Variants in EYS observed in about 807,000 individuals in gnomAD.
EYS encodes the protein protein eyes shut homolog.
Under a neutral mutation model 282.1 loss-of-function variants are expected in EYS, and 250 were observed. The observed-to-expected ratio is 0.89, with a 90% confidence interval of 0.80 to 0.98. The LOEUF is 0.98. EYS is among the 50% of genes least tolerant of loss of function. EYS has a pLI of 0.00. For missense variants in EYS, 4,016 were observed against 3,709.0 expected (o/e 1.08, Z -2.15); for synonymous variants, 1,355 against 1,282.9 (o/e 1.06, Z -1.20).
intron 12 of EYS, among the ~76,000 whole-genome samples, chr6:65,077,656 T>C (rs1364362541): frequency 6.6e-6 from 1 of 152,108 alleles, no homozygotes; most frequent in Non-Finnish European, 1.5e-5. Flanking sequence ...TTGAACATAG[T>C]CAAAAGCCTT....
intron 19 of EYS, among the ~76,000 whole-genome samples, chr6:64,876,952 C>T (rs1042840416): frequency 6.6e-6 from 1 of 152,016 alleles, no homozygotes; most frequent in African/African-American, 2.4e-5. Context: ...AAGTGATATG[C>T]TTTAATTTTA....
At chr6:64,415,064 C>A (rs907747581) in intron 28 of EYS, among the ~76,000 whole-genome samples, 2 of 152,054 alleles carry the variant, frequency 1.3e-5, no homozygotes, top group Non-Finnish European at 2.9e-5. Context: ...ATGCAACAAA[C>A]ACAATAGTTG....
chr6:63,794,473 G>A (rs1345666038), intron 37 of EYS, among the ~76,000 whole-genome samples: 1 of 152,162 alleles, frequency 6.6e-6, no homozygotes, highest in Non-Finnish European at 1.5e-5. Context: ...CAAACATGGA[G>A]GTGAAATGAA....
intron 32 of EYS, among the ~76,000 whole-genome samples, chr6:64,079,275 G>A (rs1486059418): frequency 6.6e-6 from 1 of 151,970 alleles, no homozygotes; most frequent in Non-Finnish European, 1.5e-5. Flanking sequence ...AAACATGGGT[G>A]CCTCTGCTCC....
chr6:63,752,205 T>G (rs1487421896), intron 41 of EYS, among the ~76,000 whole-genome samples: 1 of 151,634 alleles, frequency 6.6e-6, no homozygotes, highest in Non-Finnish European at 1.5e-5. Flanking sequence ...TAAGTTTTAA[T>G]TTTTTGACTA....
rs1456501348 is a variant in EYS at position 64,653,367 on chromosome 6, T to TA, written c.3444-27123dup. ...TAGTTTGTTATGGCAGCCAGGAAAG[T>TA]AATATAGATACCTCTATGTTCATGT... On this transcript the variant is annotated intron_variant, in intron 22 of 42. Coordinates refer to ENST00000503581, the MANE Select transcript of EYS (RefSeq NM_001142800.2). Among the ~76,000 whole-genome samples, 10 of 152,284 alleles carry TA rather than the reference T, an allele frequency of 6.6e-5. No homozygotes were observed. In the East Asian group the frequency reaches 1.9e-3, roughly 29 times the overall value.
intron 22 of EYS, among the ~76,000 whole-genome samples, chr6:64,660,462 T>A (rs1425839507): frequency 6.6e-6 from 1 of 151,990 alleles, no homozygotes; most frequent in East Asian, 1.9e-4. Flanking sequence ...TGTTTGCAGA[T>A]GACATGATTT....
At chr6:64,218,763 T>C (rs539917603) in intron 31 of EYS, among the ~76,000 whole-genome samples, 1 of 152,290 alleles carries the variant, frequency 6.6e-6, no homozygotes, top group East Asian at 1.9e-4. Context: ...GTTGGACAGC[T>C]GGAGTAGCCG....
At position 64,272,590 on chromosome 6, in the gene EYS, G is replaced by A. The variant is rs576531426; in HGVS notation, c.6191+34380C>T. ...GAAAATTCTTTTCTTTAAGAATGTCGAATATTGGCCCCCACTCTCTTCTGA... is the reference window on the plus strand; with the variant it reads ...GAAAATTCTTTTCTTTAAGAATGTCAAATATTGGCCCCCACTCTCTTCTGA... On this transcript the variant is annotated intron_variant, in intron 30 of 42. Transcript: ENST00000503581. Among the ~76,000 whole-genome samples, 9 of 152,160 alleles carry A rather than the reference G, an allele frequency of 5.9e-5. No homozygotes were observed. In the East Asian group the frequency reaches 9.7e-4, roughly 16 times the overall value.
chr6:63,811,638 A>G (rs1001086204), intron 36 of EYS, among the ~76,000 whole-genome samples: 1 of 152,154 alleles, frequency 6.6e-6, no homozygotes, highest in Non-Finnish European at 1.5e-5. Flanking sequence ...CCAGATTCAC[A>G]TATCCAACCA....
rs1273287240 is a variant in EYS at position 65,255,340 on chromosome 6, C to A, written c.2023+40523G>T. Among the ~76,000 whole-genome samples, 4 of 152,076 alleles carry A rather than the reference C, an allele frequency of 2.6e-5. No individual in the cohort carries two copies. In the East Asian group the frequency reaches 7.7e-4, roughly 29 times the overall value. ...GACATCCATTTTCAGAAGAATGAAA[C>A]TAGATCCCCATCTCTCACCATAATC... On this transcript the variant is annotated intron_variant, in intron 12 of 42. Coordinates refer to ENST00000503581, the MANE Select transcript of EYS (RefSeq NM_001142800.2).
chr6:64,883,949 T>G (rs192202645), intron 19 of EYS, among the ~76,000 whole-genome samples: 29 of 151,674 alleles, frequency 1.9e-4, no homozygotes, highest in East Asian at 7.7e-4. Context: ...CTTCCAATTC[T>G]AGATACCACA....
chr6:63,923,383 G>A (rs1425678463), intron 35 of EYS, among the ~76,000 whole-genome samples: 3 of 152,058 alleles, frequency 2.0e-5, no homozygotes, highest in Non-Finnish European at 2.9e-5. Context: ...AGTTTAGACA[G>A]TATTACGGTA....
intron 30 of EYS, among the ~76,000 whole-genome samples, chr6:64,252,632 T>G (rs937406464): frequency 1.3e-5 from 2 of 152,198 alleles, no homozygotes; most frequent in African/African-American, 4.8e-5. Flanking sequence ...AGGAGTCTCA[T>G]GTCTAATCTC....
intron 22 of EYS, among the ~76,000 whole-genome samples, chr6:64,812,955 A>T (rs945142128): frequency 1.6e-4 from 25 of 152,162 alleles, no homozygotes; most frequent in African/African-American, 6.0e-4. Flanking sequence ...TTATAACTCA[A>T]ATAAAATTTT....
At chr6:63,758,651 A>C (rs1044842989) in intron 41 of EYS, among the ~76,000 whole-genome samples, 9 of 152,120 alleles carry the variant, frequency 5.9e-5, no homozygotes, top group African/African-American at 2.2e-4. Flanking sequence ...TGCTATAAGA[A>C]CACGGCACTA....
chr6:65,684,234 G>C (rs143465982), intron 1 of EYS, among the ~76,000 whole-genome samples: 1 of 151,988 alleles, frequency 6.6e-6, no homozygotes, highest in Non-Finnish European at 1.5e-5. Flanking sequence ...AGAAGGGTGC[G>C]AGACACAGTC....
intron 36 of EYS, among the ~76,000 whole-genome samples, chr6:63,828,319 G>C (rs1019262816): frequency 2.6e-5 from 4 of 152,106 alleles, no homozygotes; most frequent in Admixed American, 6.5e-5. Flanking sequence ...AAGTAAAATT[G>C]ATAGACCATT....
chr6:64,612,093 T>A lies in EYS; in HGVS notation c.3684+5325A>T, dbSNP rs574567474. Among the ~76,000 whole-genome samples the A allele has an allele frequency of 2.6e-5, 4 of 152,226 alleles. No individual in the cohort carries two copies. In the East Asian group the frequency reaches 7.7e-4, roughly 29 times the overall value. On this transcript the variant is annotated intron_variant, in intron 24 of 42. Coordinates refer to ENST00000503581, the MANE Select transcript of EYS (RefSeq NM_001142800.2). ...TCTGTCTTGCTATACTGGTGTCTTC[T>A]GTGTTAGGTTTATTTTGAAGATGAC...
Sources: gnomAD v4.1 joint callset for allele counts (sites outside exome capture counted in the v4.1 genomes callset) on GRCh38, gnomAD v4.1.1 for gene constraint, MANE v1.5 for transcripts, NCBI Gene and HGNC (gene_info 2026-07-23, HGNC 2026-07-21) for gene names.